VPS8: variants seen among roughly 807,000 people sequenced by gnomAD.
VPS8 encodes the protein vacuolar protein sorting-associated protein 8 homolog.
Under a neutral mutation model 216.4 loss-of-function variants are expected in VPS8, and 129 were observed. The ratio of observed to expected loss-of-function variants is 0.60; its 90% CI spans 0.52 to 0.69. VPS8 has a LOEUF of 0.69. Among genes scored for constraint, VPS8 ranks in the 30% least tolerant of loss-of-function variants. The pLI is 0.00. For missense variants in VPS8, 1,531 were observed against 1,683.5 expected (o/e 0.91, Z 1.59); for synonymous variants, 571 against 565.4 (o/e 1.01, Z -0.14).
chr3:184,824,798 A>G lies in VPS8; in HGVS notation c.153+13A>G, dbSNP rs1194326905. ...CAAAAATGATCTGGTAAAAATTTCA[A>G]TTTCTGTCAAGTGATAATGTTTAAC... On this transcript the variant is annotated intron_variant, in intron 2 of 47. Transcript: ENST00000625842. 3 of 1,591,264 alleles carry G rather than the reference A, an allele frequency of 1.9e-6. No individual in the cohort carries two copies. Among genetic ancestry groups the G allele is most frequent in the South Asian group, 2.3e-5 (2 of 88,176 alleles).
In VPS8 at chr3:184,849,051, T is replaced by A. The variant is rs375580453; in HGVS notation, c.542-20T>A. 12 of 1,611,616 alleles carry A rather than the reference T, an allele frequency of 7.4e-6. No homozygotes were observed. Among genetic ancestry groups the A allele is most frequent in the Non-Finnish European group, 9.3e-6 (11 of 1,178,288 alleles). ...TCTCTTGCATTTCCTTCACTTGACTTTAAAAACTGCTTTCTTTAGATCAGA... is the reference window on the plus strand; with the variant it reads ...TCTCTTGCATTTCCTTCACTTGACTATAAAAACTGCTTTCTTTAGATCAGA... On this transcript the variant is annotated intron_variant, in intron 8 of 47. Transcript: ENST00000625842.
At chr3:184,858,593 T>A (rs572076019) in intron 14 of VPS8, among the ~76,000 whole-genome samples, 1 of 152,294 alleles carries the variant, frequency 6.6e-6, no homozygotes, top group Admixed American at 6.5e-5. Flanking sequence ...CTCTCAAAAT[T>A]GGCCTTGTGT....
chr3:184,838,912 C>A (rs1207347740), intron 6 of VPS8, 166 bp downstream of exon 6: 9 of 539,280 alleles, frequency 1.7e-5, no homozygotes, highest in African/African-American at 4.0e-5. Flanking sequence ...TGAATGCTTT[C>A]TTTTTTCCTA....
At chr3:184,867,024 A>G in intron 17 of VPS8, 74 bp downstream of exon 17, 2 of 1,391,914 alleles carry the variant, frequency 1.4e-6, no homozygotes, top group Non-Finnish European at 2.0e-6. Flanking sequence ...TTGCTGGTAA[A>G]GAGGGCAGTA....
Position 184,854,126 on chromosome 3 carries a change from G to C in VPS8, c.988G>C (p.Gly330Arg). 1 of 1,613,758 alleles carries C rather than the reference G, an allele frequency of 6.2e-7. No individual in the cohort carries two copies. Among genetic ancestry groups the C allele is most frequent in the Non-Finnish European group, 8.5e-7 (1 of 1,179,754 alleles). Residue 330 changes from glycine to arginine, a missense_variant, in exon 13 of 48, where the codon GGA becomes CGA. Gly to Arg is a moderately radical substitution (Grantham distance 125). Coordinates refer to ENST00000625842, the MANE Select transcript of VPS8 (RefSeq NM_001009921.3). ...MASLTKILVI[G>R]LKPSLKVWMT... is the part of the protein sequence containing the mutation. ...TTTTCTCTTACAGATACTGGTCATTGGATTGAAACCATCCTTGAAAGTATG... is the reference window on the plus strand; with the variant it reads ...TTTTCTCTTACAGATACTGGTCATTCGATTGAAACCATCCTTGAAAGTATG...
chr3:184,855,731 A>C lies in VPS8; in HGVS notation c.1056A>C (p.Pro352=). ...PYGRMDPSSV[P]LLAWHFVAVQ... ...CTTAGATGGATCCTTCCAGTGTGCC[A>C]CTGCTGGCCTGGCACTTTGTAGCAG... Residue 352 remains proline (P), a synonymous_variant, in exon 14 of 48, where the codon CCA becomes CCC. Coordinates refer to ENST00000625842, the MANE Select transcript of VPS8 (RefSeq NM_001009921.3). The C allele has an allele frequency of 2.5e-6, 4 of 1,613,208 alleles. No homozygotes were observed. The highest frequency in any genetic ancestry group is 3.4e-6 in the Non-Finnish European group (4 of 1,179,692).
At chr3:184,851,959 A>G (rs1394749105) in intron 10 of VPS8, among the ~76,000 whole-genome samples, 1 of 152,254 alleles carries the variant, frequency 6.6e-6, no homozygotes, top group Non-Finnish European at 1.5e-5. Context: ...TAACTGAAGT[A>G]TATGCTGTGG....
At chr3:184,898,246 G>T (rs1733878006) in intron 23 of VPS8, among the ~76,000 whole-genome samples, 1 of 152,058 alleles carries the variant, frequency 6.6e-6, no homozygotes, top group Non-Finnish European at 1.5e-5. Flanking sequence ...CTATGAGAGG[G>T]TCTGAATATG....
At chr3:184,868,500 A>G (rs1477610341) in intron 18 of VPS8, among the ~76,000 whole-genome samples, 1 of 152,224 alleles carries the variant, frequency 6.6e-6, no homozygotes, top group Admixed American at 6.5e-5. Context: ...CCTACCTCTT[A>G]AGATGACATC....
At chr3:184,971,867 G>T (rs942860404) in intron 40 of VPS8, 115 bp downstream of exon 40, 22 of 765,918 alleles carry the variant, frequency 2.9e-5, no homozygotes, top group Non-Finnish European at 4.5e-5. Flanking sequence ...CTGAGGTCAG[G>T]AGTTTGAGAC....
chr3:184,910,687 TC>T (rs1336551682), intron 25 of VPS8, among the ~76,000 whole-genome samples: 3 of 152,200 alleles, frequency 2.0e-5, no homozygotes, highest in African/African-American at 7.2e-5. Context: ...TATTCGTGGT[TC>T]CCTGACCTCA....
At chr3:184,952,489 T>C (rs1279068657) in intron 36 of VPS8, among the ~76,000 whole-genome samples, 1 of 152,032 alleles carries the variant, frequency 6.6e-6, no homozygotes, top group Non-Finnish European at 1.5e-5. Flanking sequence ...AAGGTGGCCA[T>C]TCTACGGGCT....
chr3:184,978,315 G>C (rs987979345), intron 40 of VPS8, among the ~76,000 whole-genome samples: 1 of 151,728 alleles, frequency 6.6e-6, no homozygotes, highest in African/African-American at 2.4e-5. Context: ...CGTTTATTTG[G>C]ATCTTCTCTC....
chr3:184,830,334 A>G (rs562371419), intron 3 of VPS8, among the ~76,000 whole-genome samples: 132 of 152,274 alleles, frequency 8.7e-4, no homozygotes, highest in African/African-American at 3.1e-3. Context: ...AAACTTTATA[A>G]TAGGTCTTGA....
intron 36 of VPS8, among the ~76,000 whole-genome samples, chr3:184,953,393 G>A (rs1012194392): frequency 5.3e-5 from 8 of 152,178 alleles, no homozygotes; most frequent in Non-Finnish European, 1.0e-4. Context: ...GGCATAGGTG[G>A]ATTCAGAGAT....
At chr3:184,972,299 A>C (rs976015508) in intron 40 of VPS8, among the ~76,000 whole-genome samples, 4 of 152,194 alleles carry the variant, frequency 2.6e-5, no homozygotes, top group African/African-American at 9.7e-5. Flanking sequence ...AAGGTGCATG[A>C]ATGCTAGATG....
chr3:184,939,085 A>C (rs1050945543), intron 35 of VPS8, among the ~76,000 whole-genome samples: 1 of 152,006 alleles, frequency 6.6e-6, no homozygotes, highest in African/African-American at 2.4e-5. Flanking sequence ...TCTTTTAAAG[A>C]AATGAAGTAT....
chr3:185,027,320 G>A (rs1001023122), intron 46 of VPS8, among the ~76,000 whole-genome samples: 1 of 139,324 alleles, frequency 7.2e-6, no homozygotes, highest in African/African-American at 2.7e-5. Context: ...TCGGCTCACT[G>A]CAAGCTTCGC....
chr3:184,842,144 G>A (rs182036849), intron 7 of VPS8, among the ~76,000 whole-genome samples: 284 of 121,708 alleles, frequency 2.3e-3, no homozygotes, highest in Middle Eastern at 0.016. Flanking sequence ...CCGAGATCGC[G>A]CCACTGCACT....
Sources: gnomAD v4.1 joint callset for allele counts (sites outside exome capture counted in the v4.1 genomes callset) on GRCh38, gnomAD v4.1.1 for gene constraint, MANE v1.5 for transcripts, NCBI Gene and HGNC (gene_info 2026-07-23, HGNC 2026-07-21) for gene names.